The following RELN variants were observed in gnomAD, a reference collection of about 807,000 sequenced individuals.
The protein encoded by RELN is reelin.
A neutral mutation model predicts 427.6 loss-of-function variants in RELN; 108 were observed. That is an observed-to-expected ratio of 0.25 (90% CI 0.22 to 0.30). The LOEUF is 0.30. Among genes scored for constraint, RELN ranks in the 10% least tolerant of loss-of-function variants. The pLI, the probability that RELN is intolerant of heterozygous loss-of-function variation, is 1.00. For missense variants in RELN, 3,715 were observed against 4,302.8 expected (o/e 0.86, Z 3.82); for synonymous variants, 1,524 against 1,513.4 (o/e 1.01, Z -0.16).
intron 16 of RELN, among the ~76,000 whole-genome samples, chr7:103,646,953 C>G (rs555533558): frequency 6.6e-6 from 1 of 151,432 alleles, no homozygotes; most frequent in African/African-American, 2.4e-5. Flanking sequence ...AAGGATGGCT[C>G]AACCTATGCA....
intron 40 of RELN, 140 bp from the exon 41 acceptor site, chr7:103,551,436 G>C: frequency 1.4e-6 from 1 of 714,804 alleles, no homozygotes; most frequent in Non-Finnish European, 2.5e-6. Context: ...ATTATGTTTT[G>C]CCTTACTGAG....
chr7:103,729,399 T>A (rs1340349180), intron 6 of RELN, among the ~76,000 whole-genome samples: 1 of 152,188 alleles, frequency 6.6e-6, no homozygotes, highest in African/African-American at 2.4e-5. Context: ...CGTCAAAAAT[T>A]GGCAAAGAAA....
chr7:103,807,041 C>T (rs1792617275), intron 3 of RELN, among the ~76,000 whole-genome samples: 1 of 152,250 alleles, frequency 6.6e-6, no homozygotes, highest in East Asian at 1.9e-4. Flanking sequence ...GCAATGGCTG[C>T]ACAGGAAGAT....
At chr7:103,734,122 G>C (rs185843660) in intron 6 of RELN, among the ~76,000 whole-genome samples, 1 of 152,062 alleles carries the variant, frequency 6.6e-6, no homozygotes, top group African/African-American at 2.4e-5. Flanking sequence ...TATTGCCGAC[G>C]TATAAATCTG....
chr7:103,692,038 A>C (rs1198194248), intron 10 of RELN, among the ~76,000 whole-genome samples: 3 of 152,154 alleles, frequency 2.0e-5, no homozygotes, highest in African/African-American at 7.2e-5. Flanking sequence ...AACCCAGACA[A>C]GTTTTAACAA....
At chr7:103,479,799 A>T (rs1828166726) in intron 63 of RELN, among the ~76,000 whole-genome samples, 1 of 152,120 alleles carries the variant, frequency 6.6e-6, no homozygotes, top group African/African-American at 2.4e-5. Flanking sequence ...TTCTCATTAA[A>T]CTTGTGTTTT....
In RELN at chr7:103,910,806, A is replaced by G. The variant is rs1226259090; in HGVS notation, c.337+6269T>C. Among the ~76,000 whole-genome samples the G allele has an allele frequency of 4.2e-5, 5 of 119,208 alleles. 1 individual carries two copies. The highest frequency in any genetic ancestry group is 1.1e-4 in the African/African-American group (3 of 26,884). The allele number at this position is 119,208 out of a possible 152,430, so 78.2% of individuals were successfully genotyped here. ...GGGAAAACTGGCTAGCCATATGTAG[A>G]AAGCTGAAACTGGATCCCTTCCTTA... On this transcript the variant is annotated intron_variant, in intron 2 of 64. Coordinates refer to ENST00000428762, the MANE Select transcript of RELN (RefSeq NM_005045.4).
chr7:103,611,884 A>G (rs1228442092), intron 20 of RELN, 81 bp from the exon 21 acceptor site: 10 of 1,074,660 alleles, frequency 9.3e-6, no homozygotes, highest in Non-Finnish European at 1.4e-5. Context: ...TTCACACTAT[A>G]TACCAAAATA....
At chr7:103,903,753 T>C (rs896745758) in intron 2 of RELN, among the ~76,000 whole-genome samples, 1 of 152,100 alleles carries the variant, frequency 6.6e-6, no homozygotes, top group Non-Finnish European at 1.5e-5. Flanking sequence ...TGAACAGATA[T>C]AAGGAAGAGA....
At chr7:103,712,095 C>T (rs952014444) in intron 8 of RELN, among the ~76,000 whole-genome samples, 17 of 152,076 alleles carry the variant, frequency 1.1e-4, no homozygotes, top group African/African-American at 1.4e-4. Context: ...TGTGCTATGC[C>T]GGCCTGGAGA....
intron 8 of RELN, among the ~76,000 whole-genome samples, chr7:103,713,620 C>A (rs1789859439): frequency 6.6e-6 from 1 of 150,410 alleles, no homozygotes; most frequent in Non-Finnish European, 1.5e-5. Context: ...TGATGAGCAA[C>A]ATGAAGATAT....
intron 1 of RELN, among the ~76,000 whole-genome samples, chr7:103,924,371 C>T (rs979432141): frequency 6.6e-6 from 1 of 151,992 alleles, no homozygotes; most frequent in Non-Finnish European, 1.5e-5. Flanking sequence ...CCAGGGAGGA[C>T]TAAACGCAGT....
chr7:103,740,027 T>C (rs1346872682), intron 6 of RELN, among the ~76,000 whole-genome samples: 1 of 152,096 alleles, frequency 6.6e-6, no homozygotes, highest in East Asian at 1.9e-4. Context: ...AATGGAAGAT[T>C]CAGTGGATAT....
At chr7:103,627,976 C>T (rs1023515432) in intron 20 of RELN, 1 of 152,156 alleles carries the variant, frequency 6.6e-6, no homozygotes, top group African/African-American at 2.4e-5. Flanking sequence ...TTTATCTGAG[C>T]AGATGCTAAC....
intron 4 of RELN, among the ~76,000 whole-genome samples, chr7:103,760,276 A>C (rs1465943734): frequency 6.6e-6 from 1 of 151,976 alleles, no homozygotes; most frequent in African/African-American, 2.4e-5. Flanking sequence ...TTCATTTCTT[A>C]AAAAGCATTT....
chr7:103,622,909 C>T (rs1832252065), intron 20 of RELN, among the ~76,000 whole-genome samples: 1 of 152,198 alleles, frequency 6.6e-6, no homozygotes, highest in Non-Finnish European at 1.5e-5. Flanking sequence ...CTAATTGCTA[C>T]ACTTTTAGTA....
intron 46 of RELN, among the ~76,000 whole-genome samples, chr7:103,528,523 T>G: frequency 6.6e-6 from 1 of 151,594 alleles, no homozygotes; most frequent in South Asian, 2.1e-4. Context: ...AAACATTGAA[T>G]TGTACACTTT....
chr7:103,634,950 C>A (rs1331777512), intron 19 of RELN, among the ~76,000 whole-genome samples: 5 of 151,986 alleles, frequency 3.3e-5, no homozygotes, highest in Non-Finnish European at 5.9e-5. Flanking sequence ...TCTCTGCCTG[C>A]CGGGTTCAAG....
rs912214577 is a variant in RELN, at chr7:103,742,944, G to C, written c.656+6482C>G. Among the ~76,000 whole-genome samples the C allele has an allele frequency of 1.7e-3, 254 of 151,844 alleles. 1 individual carries two copies. The highest frequency in any genetic ancestry group is 5.6e-3 in the African/African-American group (231 of 41,252). On this transcript the variant is annotated intron_variant, in intron 6 of 64. Transcript: ENST00000428762. ...AAGATACTCCTCGAGAAGAGCAACT[G>C]CAAGACACATAATTGTCAGATTCAC... is the stretch of plus-strand genomic sequence containing the variant.
Sources: gnomAD v4.1 joint callset for allele counts (sites outside exome capture counted in the v4.1 genomes callset) on GRCh38, gnomAD v4.1.1 for gene constraint, MANE v1.5 for transcripts, NCBI Gene and HGNC (gene_info 2026-07-23, HGNC 2026-07-21) for gene names.